ERGIC1: variants seen among roughly 807,000 people sequenced by gnomAD.
ERGIC1 encodes endoplasmic reticulum-Golgi intermediate compartment protein 1.
A neutral mutation model predicts 38.3 loss-of-function variants in ERGIC1; 19 were observed. The ratio of observed to expected loss-of-function variants is 0.50; its 90% CI spans 0.35 to 0.73. ERGIC1 has a LOEUF of 0.73. Among genes scored for constraint, ERGIC1 ranks in the 30% least tolerant of loss-of-function variants. The probability of loss-of-function intolerance (pLI) is 0.01; values close to 1 mark genes in which losing one functional copy is unlikely to be tolerated. For missense variants in ERGIC1, 294 were observed against 389.2 expected, an observed-to-expected ratio of 0.76 and a Z score of 2.06; for synonymous variants, 124 against 157.6, an observed-to-expected ratio of 0.79 and a Z score of 1.60.
chr5:172,894,696 A>G (rs1762682682), intron 2 of ERGIC1, among the ~76,000 whole-genome samples: 1 of 152,160 alleles, frequency 6.6e-6, no homozygotes, highest in South Asian at 2.1e-4. Flanking sequence ...CAGTGAAGCC[A>G]TGGGCCAGCC....
chr5:172,880,095 G>A (rs1197819406), intron 1 of ERGIC1, among the ~76,000 whole-genome samples: 1 of 151,752 alleles, frequency 6.6e-6, no homozygotes, highest in Non-Finnish European at 1.5e-5. Context: ...GTACTGCAGA[G>A]CCGTGATCTT....
intron 1 of ERGIC1, among the ~76,000 whole-genome samples, chr5:172,836,124 G>A (rs764484502): frequency 3.3e-4 from 51 of 152,240 alleles, no homozygotes; most frequent in Non-Finnish European, 5.7e-4. Context: ...TACCAAGGAG[G>A]AAATGAGGCT....
At chr5:172,949,562 ATCC>A (rs1433787467) in intron 9 of ERGIC1, among the ~76,000 whole-genome samples, 1 of 151,728 alleles carries the variant, frequency 6.6e-6, no homozygotes, top group African/African-American at 2.4e-5. Flanking sequence ...GACATTCATT[ATCC>A]TCCTGCTACC....
intron 1 of ERGIC1, among the ~76,000 whole-genome samples, chr5:172,862,950 C>T (rs1216963220): frequency 6.6e-6 from 1 of 152,212 alleles, no homozygotes; most frequent in Non-Finnish European, 1.5e-5. Flanking sequence ...GTAGACAGTT[C>T]TGTGCCTGAA....
intron 3 of ERGIC1, among the ~76,000 whole-genome samples, chr5:172,908,673 G>GTTGCAGTTCCCCTTTCC (rs1763120119): frequency 6.6e-6 from 1 of 152,168 alleles, no homozygotes; most frequent in Non-Finnish European, 1.5e-5. Flanking sequence ...GCGCCTAGAA[G>GTTGCAGTTCCCCTTTCC]CTGAAAAAGG....
At chr5:172,843,418 CT>C (rs1761211262) in intron 1 of ERGIC1, among the ~76,000 whole-genome samples, 1 of 152,160 alleles carries the variant, frequency 6.6e-6, no homozygotes, top group Non-Finnish European at 1.5e-5. Flanking sequence ...TGCTATCCTG[CT>C]TTGCTGATTT....
chr5:172,911,527 T>C (rs1303914101), intron 4 of ERGIC1, among the ~76,000 whole-genome samples: 2 of 152,162 alleles, frequency 1.3e-5, no homozygotes, highest in African/African-American at 2.4e-5. Context: ...TCACCCCTGT[T>C]AGAGCCCAGC....
At position 172,834,984 on chromosome 5, in the gene ERGIC1, C is replaced by A. The variant is rs532195527; in HGVS notation, c.20+551C>A. ...TCCCTCCCTCAGCCCCAGCCCTGTCCGCTGGGTATGGGGGCACCATGGGAA... is the reference window on the plus strand; with the variant it reads ...TCCCTCCCTCAGCCCCAGCCCTGTCAGCTGGGTATGGGGGCACCATGGGAA... On this transcript the variant is annotated intron_variant, in intron 1 of 9. Transcript: ENST00000393784. This position sits in a 1 kb window ranked among gnomAD's most constrained non-coding sequence, Gnocchi z 4.1. 1.3e-5 allele frequency among the ~76,000 whole-genome samples: 2 copies of A among 152,362 alleles called. No individual in the cohort carries two copies. The highest frequency in any genetic ancestry group is 4.1e-4 in the South Asian group (2 of 4,834).
At chr5:172,866,629 T>G (rs553278253) in intron 1 of ERGIC1, among the ~76,000 whole-genome samples, 18 of 152,342 alleles carry the variant, frequency 1.2e-4, no homozygotes, top group African/African-American at 4.1e-4. Context: ...AAGTGAGCAC[T>G]ATTTGACAGC....
chr5:172,844,962 C>G (rs1433727140), intron 1 of ERGIC1, among the ~76,000 whole-genome samples: 1 of 152,150 alleles, frequency 6.6e-6, no homozygotes, highest in African/African-American at 2.4e-5. Context: ...AAAGGCTTTT[C>G]TTGGATTCCC....
intron 7 of ERGIC1, among the ~76,000 whole-genome samples, chr5:172,930,658 CAAG>C (rs965998161): frequency 9.9e-5 from 15 of 152,128 alleles, no homozygotes; most frequent in Non-Finnish European, 2.1e-4. Flanking sequence ...CAAATTTTAA[CAAG>C]AAATATTACA....
chr5:172,923,400 T>C (rs1344518834), intron 5 of ERGIC1, among the ~76,000 whole-genome samples: 1 of 151,928 alleles, frequency 6.6e-6, no homozygotes. Context: ...GACTTCGTGC[T>C]GAAACAAGGA....
chr5:172,932,514 A>AC lies in ERGIC1; in HGVS notation c.622dup (p.Gln208ProfsTer72). On this transcript the variant is annotated frameshift_variant, in exon 8 of 10. Coordinates refer to ENST00000393784, the MANE Select transcript of ERGIC1 (RefSeq NM_001031711.3). LOFTEE classifies it high-confidence loss of function. ...AAGAGTGGCAAGCAGCGGTACTCCTACCAGTACACGGTGGCCAACAAGGTG... is the reference window on the plus strand; with the variant it reads ...AAGAGTGGCAAGCAGCGGTACTCCTACCCAGTACACGGTGGCCAACAAGGTG... 1.2e-6 allele frequency: 2 copies of AC among 1,614,060 alleles called. No individual in the cohort carries two copies. Among genetic ancestry groups the AC allele is most frequent in the Non-Finnish European group, 1.7e-6 (2 of 1,179,990 alleles).
intron 1 of ERGIC1, among the ~76,000 whole-genome samples, chr5:172,870,767 C>CGCCT (rs1360551151): frequency 6.6e-6 from 1 of 152,194 alleles, no homozygotes; most frequent in African/African-American, 2.4e-5. Context: ...CCTTCCTCCC[C>CGCCT]GCCTGCCTGC....
chr5:172,891,919 A>G (rs1581546556), intron 2 of ERGIC1, among the ~76,000 whole-genome samples: 1 of 152,264 alleles, frequency 6.6e-6, no homozygotes, highest in South Asian at 2.1e-4. Context: ...TGGCTGACCT[A>G]CGGGGCCTGT....
At chr5:172,915,279 G>C (rs1334598251) in intron 5 of ERGIC1, 3 of 572,558 alleles carry the variant, frequency 5.2e-6, no homozygotes, top group Non-Finnish European at 9.5e-6. Flanking sequence ...CATTCATTCA[G>C]AAAAATTTTT....
intron 2 of ERGIC1, among the ~76,000 whole-genome samples, chr5:172,893,916 T>TATATATATACAC (rs1420718318): frequency 0.025 from 2,080 of 81,724 alleles, 199 homozygotes; most frequent in African/African-American, 0.082. Flanking sequence ...TGTGTGTGTG[T>TATATATATACAC]GTGTGTGTGT....
chr5:172,895,967 G>A (rs911945814), intron 2 of ERGIC1, among the ~76,000 whole-genome samples: 2 of 152,234 alleles, frequency 1.3e-5, no homozygotes, highest in African/African-American at 2.4e-5. Flanking sequence ...ACAAACCCCA[G>A]TGTCTTTAGG....
At chr5:172,928,385 G>A (rs2113460832) in intron 7 of ERGIC1, among the ~76,000 whole-genome samples, 1 of 152,346 alleles carries the variant, frequency 6.6e-6, no homozygotes, top group Admixed American at 6.5e-5. Context: ...CGTTGCCTTT[G>A]TAGGTCCCTC....
Sources: allele counts gnomAD v4.1 joint callset (sites outside exome capture counted in the v4.1 genomes callset), GRCh38; gene constraint gnomAD v4.1.1; non-coding constraint Gnocchi (gnomAD v3.1); transcripts MANE v1.5; gene names NCBI Gene and HGNC (gene_info 2026-07-23, HGNC 2026-07-21).